ZNF606: variants seen among roughly 807,000 people sequenced by gnomAD.
The protein encoded by ZNF606 is zinc finger protein 606, also known as zinc finger protein 328.
In ZNF606, 37 loss-of-function variants were observed where a neutral mutation model predicts 74.9. The observed-to-expected ratio is 0.49, with a 90% CI of 0.38 to 0.65. The LOEUF is 0.65. Among genes scored for constraint, ZNF606 ranks in the 30% least tolerant of loss-of-function variants. The pLI, the probability that ZNF606 is intolerant of heterozygous loss-of-function variation, is 0.00. For missense variants in ZNF606, 852 were observed against 952.9 expected (o/e 0.89, Z 1.39); for synonymous variants, 328 against 312.4 (o/e 1.05, Z -0.53).
At position 57,980,611 on chromosome 19, in the gene ZNF606, G is replaced by A. The variant is rs182072234; in HGVS notation, c.401-332C>T. Among the ~76,000 whole-genome samples, 180 of 152,144 alleles carry A rather than the reference G, an allele frequency of 1.2e-3. 1 individual carries two copies. The highest frequency in any genetic ancestry group is 2.0e-3 in the Non-Finnish European group (134 of 67,994). ...AGCACTTTGGGAGGCCGAGGCGGGC[G>A]GATCATGAGGTCAGGAGATCAAGAC... On this transcript the variant is annotated intron_variant, in intron 6 of 6. Transcript: ENST00000551380.
intron 6 of ZNF606, among the ~76,000 whole-genome samples, chr19:57,985,764 A>G (rs1356745681): frequency 6.0e-5 from 9 of 150,160 alleles, no homozygotes; most frequent in Non-Finnish European, 8.9e-5. Flanking sequence ...TGCCTCTACT[A>G]AAAATACAAA....
Position 57,999,792 on chromosome 19 carries a change from G to A in ZNF606, c.177+16C>T, listed in dbSNP as rs765968718. On this transcript the variant is annotated intron_variant, in intron 4 of 6. Coordinates refer to ENST00000551380, the MANE Select transcript of ZNF606 (RefSeq NM_001348022.3). ...CCTGGACATCATCCTCTGGGAACAG[G>A]ACAGCCCCATCTCACCTGAACCTGG... 16 of 1,612,720 alleles carry A rather than the reference G, an allele frequency of 9.9e-6. No homozygotes were observed. In the East Asian group the frequency reaches 3.3e-4, roughly 34 times the overall value.
In ZNF606 at chr19:57,978,910, G is replaced by A. The variant is rs1175538378; in HGVS notation, c.1770C>T (p.His590=). 8 of 1,614,094 alleles carry A rather than the reference G, an allele frequency of 5.0e-6. No homozygotes were observed. Among genetic ancestry groups the A allele is most frequent in the Non-Finnish European group, 6.8e-6 (8 of 1,180,022 alleles). ...SSHLIAHQRT[H]TGEKPYNCQE... Reference sequence around the variant, plus strand: ...GACAGTTATATGGTTTCTCTCCCGTGTGAGTTCTCTGATGGGCAATAAGAT... The same window carrying A: ...GACAGTTATATGGTTTCTCTCCCGTATGAGTTCTCTGATGGGCAATAAGAT... The change falls in exon 7 of 7, where the codon CAC becomes CAT. Residue 590 remains histidine (H), a synonymous_variant. Coordinates refer to ENST00000551380, the MANE Select transcript of ZNF606 (RefSeq NM_001348022.3). This position sits in a 1 kb window ranked among gnomAD's most constrained non-coding sequence, Gnocchi z 4.4.
intron 3 of ZNF606, 192 bp from the exon 4 acceptor site, chr19:58,000,088 T>C: frequency 3.9e-6 from 2 of 516,262 alleles, no homozygotes; most frequent in Non-Finnish European, 6.7e-6. Flanking sequence ...AATCTCTCAT[T>C]GGCCCCCCCT....
At chr19:58,000,075 A>G (rs2073395497) in intron 3 of ZNF606, 179 bp from the exon 4 acceptor site, 5 of 548,896 alleles carry the variant, frequency 9.1e-6, no homozygotes, top group East Asian at 2.9e-5. Context: ...ACCTAAACAC[A>G]TGAATCTCTC....
chr19:57,984,687 C>T (rs2073138907), intron 6 of ZNF606, among the ~76,000 whole-genome samples: 1 of 152,194 alleles, frequency 6.6e-6, no homozygotes, highest in African/African-American at 2.4e-5. Flanking sequence ...TTACCTGAGG[C>T]AGAATGTCAG....
At position 58,000,682 on chromosome 19, in the gene ZNF606, C is replaced by T. The variant is rs2073410162; in HGVS notation, c.88+1G>A. ...CACAGCTGACCAGGCTCTTGACTCA[C>T]CCCAGGAGGCCCATGGGTCAACAGC... On this transcript the variant is annotated splice_donor_variant, in intron 3 of 6. Transcript: ENST00000551380. LOFTEE classifies it high-confidence loss of function. The T allele has an allele frequency of 6.2e-7, 1 of 1,613,724 alleles. No individual in the cohort carries two copies. The highest frequency in any genetic ancestry group is 8.5e-7 in the Non-Finnish European group (1 of 1,179,820).
At chr19:58,001,220 C>G (rs1251272436) in intron 2 of ZNF606, 69 bp downstream of exon 2, 1 of 1,583,068 alleles carries the variant, frequency 6.3e-7, no homozygotes, top group Non-Finnish European at 8.7e-7. Context: ...CAGCCCATCA[C>G]CAGCTCTGAC....
chr19:57,999,442 T>G (rs940701401), intron 4 of ZNF606: 8 of 327,972 alleles, frequency 2.4e-5, no homozygotes, highest in African/African-American at 1.7e-4. Context: ...GGCTCACACC[T>G]GTCCTTGTTC....
intron 6 of ZNF606, among the ~76,000 whole-genome samples, chr19:57,985,849 G>A (rs928347391): frequency 9.2e-5 from 14 of 151,588 alleles, no homozygotes; most frequent in African/African-American, 2.9e-4. Flanking sequence ...CAGGACAATC[G>A]CTTGAACCCA....
chr19:57,988,084 G>A (rs528114968), intron 6 of ZNF606, 123 bp downstream of exon 6: 53 of 701,946 alleles, frequency 7.6e-5, no homozygotes, highest in Non-Finnish European at 1.0e-4. Flanking sequence ...AGCAAGAGAA[G>A]AAAGCTCCTT....
At chr19:57,983,107 T>G (rs2073110987) in intron 6 of ZNF606, among the ~76,000 whole-genome samples, 1 of 152,190 alleles carries the variant, frequency 6.6e-6, no homozygotes, top group African/African-American at 2.4e-5. Flanking sequence ...CCTGACCAAA[T>G]GAAAGACCAA....
In ZNF606 at chr19:57,985,644, T is replaced by C. The variant is rs141021219; in HGVS notation, c.400+2563A>G. Among the ~76,000 whole-genome samples, 14 of 151,936 alleles carry C rather than the reference T, an allele frequency of 9.2e-5. No individual in the cohort carries two copies. The East Asian group carries it at 2.1e-3, about 23-fold the overall frequency. On this transcript the variant is annotated intron_variant, in intron 6 of 6. Transcript: ENST00000551380. Reference sequence around the variant, plus strand: ...ACATGCATACCCATAATAATTAAACTAGGGCCAGGGGTGGTGGCTCACGCC... The same window carrying C: ...ACATGCATACCCATAATAATTAAACCAGGGCCAGGGGTGGTGGCTCACGCC...
At chr19:57,999,716 T>G (rs2073387946) in intron 4 of ZNF606, 92 bp downstream of exon 4, 15 of 1,347,504 alleles carry the variant, frequency 1.1e-5, no homozygotes, top group Non-Finnish European at 1.6e-5. Context: ...CTACCCAAAC[T>G]CCAACTGTTG....
chr19:57,981,902 A>G (rs2073090749), intron 6 of ZNF606, among the ~76,000 whole-genome samples: 1 of 152,236 alleles, frequency 6.6e-6, no homozygotes. Flanking sequence ...CTATCCTTAG[A>G]GAGCTTTTCT....
At position 57,977,268 on chromosome 19, in the gene ZNF606, C is replaced by T. The variant is rs1038622647; in HGVS notation, c.*1033G>A. On this transcript the variant is annotated 3_prime_UTR_variant, in exon 7 of 7. Coordinates refer to ENST00000551380, the MANE Select transcript of ZNF606 (RefSeq NM_001348022.3). ...GGATCCTTCAACATCTCTGCTTCAG[C>T]TTAGCCATTTGTAAAACTGGGGTAA... 3 of 152,188 alleles carry T rather than the reference C, an allele frequency of 2.0e-5. No individual in the cohort carries two copies. Among genetic ancestry groups the T allele is most frequent in the African/African-American group, 7.2e-5 (3 of 41,444 alleles). 9.4% of individuals were successfully genotyped at this position (152,188 alleles called of 1,614,324 possible).
rs1218009139 is a variant in ZNF606, at chr19:58,002,601, C to T, written c.-257G>A. Reference sequence around the variant, plus strand: ...CGTCCGACCAGAAAACGAAGAACGCCCGGAGGCGGGAGGCCGGAGGCAGGC... The same window carrying T: ...CGTCCGACCAGAAAACGAAGAACGCTCGGAGGCGGGAGGCCGGAGGCAGGC... On this transcript the variant is annotated 5_prime_UTR_variant, in exon 1 of 7. Transcript: ENST00000551380. 2.3e-6 allele frequency: 1 copy of T among 440,206 alleles called. No homozygotes were observed. Among genetic ancestry groups the T allele is most frequent in the East Asian group, 7.1e-5 (1 of 14,068 alleles). The allele number at this position is 440,206 out of a possible 1,614,324, so 27.3% of individuals were successfully genotyped here. A position where few individuals can be genotyped will look rare whatever the true frequency, so the allele number is the denominator to read the frequency against.
At position 57,980,107 on chromosome 19, in the gene ZNF606, A is replaced by G; in HGVS notation, c.573T>C (p.Ser191=). Residue 191 remains serine (S), a synonymous_variant, in exon 7 of 7, where the codon AGT becomes AGC. Coordinates refer to ENST00000551380, the MANE Select transcript of ZNF606 (RefSeq NM_001348022.3). Reference sequence around the variant, plus strand: ...TGAAGACCATCTGCCTCATAGCTGTACTCTGGTTCATGTGGTACATTTCTA... The same window carrying G: ...TGAAGACCATCTGCCTCATAGCTGTGCTCTGGTTCATGTGGTACATTTCTA... ...DQLEMYHMNQ[S]TAMRQMVFMQ... is the part of the protein sequence containing the mutation. The G allele has an allele frequency of 6.2e-7, 1 of 1,614,020 alleles. No individual in the cohort carries two copies. Among genetic ancestry groups the G allele is most frequent in the Non-Finnish European group, 8.5e-7 (1 of 1,180,032 alleles).
At chr19:57,983,522 G>C (rs1254533062) in intron 6 of ZNF606, among the ~76,000 whole-genome samples, 1 of 151,142 alleles carries the variant, frequency 6.6e-6, no homozygotes. Context: ...AGGTTGCAGT[G>C]AGCCAAGACC....
Sources: gnomAD v4.1 joint callset for allele counts (sites outside exome capture counted in the v4.1 genomes callset) on GRCh38, gnomAD v4.1.1 for gene constraint, Gnocchi (gnomAD v3.1) non-coding constraint, MANE v1.5 for transcripts, NCBI Gene and HGNC (gene_info 2026-07-23, HGNC 2026-07-21) for gene names.